OLFM4: variants seen among roughly 807,000 people sequenced by gnomAD.
OLFM4 encodes the protein olfactomedin 4, also known as olfactomedin-4.
Under a neutral mutation model 25.5 loss-of-function variants are expected in OLFM4, and 22 were observed. The observed-to-expected ratio is 0.86, with a 90% confidence interval of 0.62 to 1.23. OLFM4 has a LOEUF of 1.23. Among genes scored for constraint, OLFM4 ranks in the 50% most tolerant of loss-of-function variants. The pLI is 0.00. For missense variants in OLFM4, 594 were observed against 619.4 expected, an observed-to-expected ratio of 0.96 and a Z score of 0.44; for synonymous variants, 255 against 237.7, an observed-to-expected ratio of 1.07 and a Z score of -0.67.
At chr13:53,045,438 G>A (rs1445511675) in intron 4 of OLFM4, among the ~76,000 whole-genome samples, 1 of 152,004 alleles carries the variant, frequency 6.6e-6, no homozygotes. Context: ...CTGACTTTTG[G>A]TCATGTTTTT....
In OLFM4 at chr13:53,028,959, C is replaced by G; in HGVS notation, c.123C>G (p.Asp41Glu). The change falls in exon 1 of 5, where the codon GAC becomes GAG. Residue 41 changes from aspartate to glutamate, a missense_variant. Transcript: ENST00000219022. Reference sequence around the variant, plus strand: ...GCTTCAGCTCTTTCCCAGGTGTTGACTCCAGCTCCAGCTTCAGCTCCAGCT... The same window carrying G: ...GCTTCAGCTCTTTCCCAGGTGTTGAGTCCAGCTCCAGCTTCAGCTCCAGCT... ...SPGFSSFPGV[D>E]SSSSFSSSSR... 1 of 1,613,954 alleles carries G rather than the reference C, an allele frequency of 6.2e-7. No individual in the cohort carries two copies. The highest frequency in any genetic ancestry group is 2.2e-5 in the East Asian group (1 of 44,878).
intron 1 of OLFM4, among the ~76,000 whole-genome samples, chr13:53,032,362 GTTA>G (rs1294646521): frequency 1.3e-5 from 2 of 151,990 alleles, no homozygotes; most frequent in Non-Finnish European, 2.9e-5. Context: ...TTGCTAGACT[GTTA>G]TTATAATAAG....
intron 4 of OLFM4, among the ~76,000 whole-genome samples, chr13:53,044,778 C>T (rs954118973): frequency 2.0e-5 from 3 of 152,112 alleles, no homozygotes; most frequent in African/African-American, 7.2e-5. Context: ...ATTAGTGGTG[C>T]AAAAATGTAG....
chr13:53,050,954 A>G lies in OLFM4; in HGVS notation c.*183A>G, dbSNP rs1954745317. ...GATTTGGTGAGTTCTCTTGGGAATCATCTGCCTCTTCAGGCGCATTTTGCA... is the reference window on the plus strand; with the variant it reads ...GATTTGGTGAGTTCTCTTGGGAATCGTCTGCCTCTTCAGGCGCATTTTGCA... On this transcript the variant is annotated 3_prime_UTR_variant, in exon 5 of 5. Transcript: ENST00000219022. The G allele has an allele frequency of 1.7e-6, 1 of 577,388 alleles. No homozygotes were observed. Among genetic ancestry groups the G allele is most frequent in the Non-Finnish European group, 2.9e-6 (1 of 340,594 alleles). The allele number at this position is 577,388 out of a possible 1,614,324, so 35.8% of individuals were successfully genotyped here. A position where few individuals can be genotyped will look rare whatever the true frequency, so the allele number is the denominator to read the frequency against.
chr13:53,033,299 A>G (rs186330651), intron 1 of OLFM4, among the ~76,000 whole-genome samples: 1,540 of 152,346 alleles, frequency 0.01, 15 homozygotes, highest in African/African-American at 0.022. Context: ...AAAAACTTTT[A>G]TTAAAAAAAA....
chr13:53,036,539 G>A (rs1163205060), intron 2 of OLFM4, among the ~76,000 whole-genome samples: 1 of 152,070 alleles, frequency 6.6e-6, no homozygotes, highest in Non-Finnish European at 1.5e-5. Flanking sequence ...GGTAACATCT[G>A]CTTTGCTAAT....
chr13:53,045,994 A>T (rs1231214509), intron 4 of OLFM4, among the ~76,000 whole-genome samples: 1 of 152,138 alleles, frequency 6.6e-6, no homozygotes, highest in Non-Finnish European at 1.5e-5. Flanking sequence ...GCTGGTCCAT[A>T]GTGATGCTCA....
rs139657294 is a variant in OLFM4 at position 53,028,895 on chromosome 13, G to A, written c.59G>A (p.Gly20Glu). Reference sequence around the variant, plus strand: ...CTGTTCTTCCTTGGCCAAGCTGCAGGGGATTTGGGGGATGTGGGACCTCCA... The same window carrying A: ...CTGTTCTTCCTTGGCCAAGCTGCAGAGGATTTGGGGGATGTGGGACCTCCA... ...ALLFFLGQAA[G>E]DLGDVGPPIP... is the part of the protein sequence containing the mutation. Residue 20 changes from glycine (G) to glutamate (E), a missense_variant, in exon 1 of 5, where the codon GGG becomes GAG. Coordinates refer to ENST00000219022, the MANE Select transcript of OLFM4 (RefSeq NM_006418.5). The A allele has an allele frequency of 3.7e-6, 6 of 1,614,082 alleles. No homozygotes were observed. In the African/African-American group the frequency reaches 5.3e-5, roughly 14 times the overall value.
chr13:53,038,121 T>C (rs556090513), intron 2 of OLFM4, among the ~76,000 whole-genome samples: 1 of 152,252 alleles, frequency 6.6e-6, no homozygotes, highest in East Asian at 1.9e-4. Context: ...AGCTTCGAGA[T>C]AAAGATGTTG....
intron 1 of OLFM4, among the ~76,000 whole-genome samples, chr13:53,030,759 C>G (rs1412697607): frequency 6.6e-6 from 1 of 152,178 alleles, no homozygotes; most frequent in East Asian, 1.9e-4. Context: ...TTCACCATGT[C>G]TGTACATATA....
chr13:53,030,892 A>G (rs1954625561), intron 1 of OLFM4, among the ~76,000 whole-genome samples: 1 of 152,184 alleles, frequency 6.6e-6, no homozygotes, highest in African/African-American at 2.4e-5. Context: ...ACATAAGTTT[A>G]TTCTGTGATA....
chr13:53,049,884 T>G, intron 4 of OLFM4, 85 bp from the exon 5 acceptor site: 4 of 1,357,406 alleles, frequency 2.9e-6, no homozygotes, highest in Non-Finnish European at 4.0e-6. Context: ...ATTTATAGAT[T>G]CCTTTGGTGC....
intron 1 of OLFM4, among the ~76,000 whole-genome samples, chr13:53,030,149 T>A (rs1036106371): frequency 5.3e-5 from 8 of 152,246 alleles, no homozygotes; most frequent in Admixed American, 3.9e-4. Context: ...TTTGTTTTAT[T>A]TTGACCATCA....
intron 3 of OLFM4, 95 bp downstream of exon 3, chr13:53,042,217 CAACTTCT>C: frequency 9.6e-7 from 1 of 1,038,026 alleles, no homozygotes; most frequent in South Asian, 1.5e-5. Context: ...CTATCTCTTC[CAACTTCT>C]AATTCTCTAC....
intron 2 of OLFM4, 53 bp downstream of exon 2, chr13:53,034,553 G>T: frequency 1.4e-6 from 2 of 1,477,708 alleles, no homozygotes; most frequent in Non-Finnish European, 1.8e-6. Context: ...AAAACAAAAT[G>T]TGTTTTAATT....
intron 2 of OLFM4, among the ~76,000 whole-genome samples, chr13:53,041,624 C>A (rs1460098095): frequency 1.3e-5 from 2 of 152,040 alleles, no homozygotes; most frequent in Non-Finnish European, 2.9e-5. Flanking sequence ...AGCCTAAAAC[C>A]TTTTTAAAAA....
Position 53,034,503 on chromosome 13 carries a change from A to T in OLFM4, c.357+3A>T. 6.2e-7 allele frequency: 1 copy of T among 1,601,790 alleles called. No homozygotes were observed. Among genetic ancestry groups the T allele is most frequent in the Non-Finnish European group, 8.5e-7 (1 of 1,176,040 alleles). ...AGTTTGAGAAAGAACTTTCCAAAGTAAGCATTTTCTTTTCAAACAATATCT... is the reference window on the plus strand; with the variant it reads ...AGTTTGAGAAAGAACTTTCCAAAGTTAGCATTTTCTTTTCAAACAATATCT... On this transcript the variant is annotated splice_donor_region_variant and intron_variant, in intron 2 of 4. Coordinates refer to ENST00000219022, the MANE Select transcript of OLFM4 (RefSeq NM_006418.5).
rs566582275 is a variant in OLFM4, at chr13:53,030,558, C to T, written c.204+1518C>T. ...CCTCATGATCTGCCTGCCTCAGCCT[C>T]CCAAAGTGCTGGGATTACAGGCATG... On this transcript the variant is annotated intron_variant, in intron 1 of 4. Coordinates refer to ENST00000219022, the MANE Select transcript of OLFM4 (RefSeq NM_006418.5). Among the ~76,000 whole-genome samples the T allele has an allele frequency of 1.7e-3, 255 of 152,298 alleles. 1 individual carries two copies. Among genetic ancestry groups the T allele is most frequent in the African/African-American group, 5.9e-3 (247 of 41,564 alleles).
intron 4 of OLFM4, among the ~76,000 whole-genome samples, chr13:53,044,139 C>T (rs1022170225): frequency 1.3e-5 from 2 of 152,138 alleles, no homozygotes; most frequent in African/African-American, 2.4e-5. Flanking sequence ...TTGGGAAGCT[C>T]GGAACCTTAT....
Sources: gnomAD v4.1 joint callset for allele counts (sites outside exome capture counted in the v4.1 genomes callset) on GRCh38, gnomAD v4.1.1 for gene constraint, MANE v1.5 for transcripts, NCBI Gene and HGNC (gene_info 2026-07-23, HGNC 2026-07-21) for gene names.